CAMTA1: variants seen among roughly 807,000 people sequenced by gnomAD.
The protein encoded by CAMTA1 is calmodulin binding transcription activator 1.
In CAMTA1, 27 loss-of-function variants were observed where a neutral mutation model predicts 170.9. That is an observed-to-expected ratio of 0.16 (90% CI 0.12 to 0.22). The LOEUF (loss-of-function observed/expected upper bound fraction) is 0.22, where lower values mean the gene tolerates loss of function less well. Among genes scored for constraint, CAMTA1 ranks in the 10% least tolerant of loss-of-function variants. The pLI is 1.00. For synonymous variants in CAMTA1, 833 were observed against 891.5 expected (o/e 0.93, Z 1.17); for missense variants, 1,619 against 2,217.2 (o/e 0.73, Z 5.42).
intron 6 of CAMTA1, among the ~76,000 whole-genome samples, chr1:7,493,052 TACAC>T (rs1217654138): frequency 5.0e-5 from 4 of 80,298 alleles, no homozygotes; most frequent in South Asian, 4.6e-4. Context: ...CAAACCTACA[TACAC>T]ACGCGCGCAC....
intron 4 of CAMTA1, among the ~76,000 whole-genome samples, chr1:7,112,501 C>T (rs1168326121): frequency 6.6e-6 from 1 of 152,184 alleles, no homozygotes; most frequent in African/African-American, 2.4e-5. Flanking sequence ...TGACCATGGC[C>T]GAGCCGAACA....
chr1:7,478,655 T>C (rs1159782302), intron 6 of CAMTA1, among the ~76,000 whole-genome samples: 1 of 152,238 alleles, frequency 6.6e-6, no homozygotes, highest in African/African-American at 2.4e-5. Context: ...TCAGCTTGGC[T>C]AAACAATCGC....
intron 3 of CAMTA1, among the ~76,000 whole-genome samples, chr1:6,836,747 C>T (rs1356354352): frequency 2.0e-5 from 3 of 152,226 alleles, no homozygotes; most frequent in East Asian, 1.9e-4. Context: ...AATAAAGGCT[C>T]TCATGTGCAA....
In CAMTA1 at chr1:7,670,928, C is replaced by T. The variant is rs2096055533; in HGVS notation, c.2670C>T (p.Leu890=). The T allele has an allele frequency of 7.4e-6, 12 of 1,613,752 alleles. No individual in the cohort carries two copies. The highest frequency in any genetic ancestry group is 1.0e-5 in the Non-Finnish European group (12 of 1,179,942). Residue 890 remains leucine (L), a synonymous_variant, in exon 10 of 23, where the codon CTC becomes CTT. Transcript: ENST00000303635. ...WSYPEGGVKV[L]ITGPWQEASN... ...CTCTGCAGGGAGGAGTGAAGGTCCT[C>T]ATCACAGGCCCGTGGCAAGAAGCCA...
chr1:7,670,362 G>C (rs965429449), intron 9 of CAMTA1, among the ~76,000 whole-genome samples: 2 of 152,086 alleles, frequency 1.3e-5, no homozygotes, highest in Non-Finnish European at 2.9e-5. Context: ...TCTTCAGCCC[G>C]TCCTGCTCCA....
At chr1:7,118,480 T>A (rs1390295616) in intron 4 of CAMTA1, among the ~76,000 whole-genome samples, 5 of 151,444 alleles carry the variant, frequency 3.3e-5, no homozygotes, top group African/African-American at 1.2e-4. Context: ...AATTTTTTTT[T>A]GGAGAGTTGG....
intron 5 of CAMTA1, among the ~76,000 whole-genome samples, chr1:7,353,429 C>G (rs372425889): frequency 3.8e-5 from 1 of 26,158 alleles, no homozygotes; most frequent in African/African-American, 1.8e-4. Context: ...TTTTCTTTCT[C>G]TCTTTTTTTT....
intron 3 of CAMTA1, among the ~76,000 whole-genome samples, chr1:6,949,196 G>A (rs1177314204): frequency 6.6e-6 from 1 of 152,246 alleles, no homozygotes; most frequent in African/African-American, 2.4e-5. Flanking sequence ...ATACTTGAGT[G>A]TTCCTGGGGG....
Position 7,664,933 on chromosome 1 carries a change from G to C in CAMTA1, c.2386G>C (p.Val796Leu). ...GSSTIYGHQL[V>L]SGDSTALSQS... ...CAGCACCATCTATGGGCACCAGCTG[G>C]TGTCGGGGGACAGCACGGCGCTCTC... is the stretch of plus-strand genomic sequence containing the variant. The change falls in exon 9 of 23, where the codon GTG becomes CTG. Residue 796 changes from valine to leucine, a missense_variant. By Grantham distance (32) the Val-to-Leu change is conservative. Transcript: ENST00000303635. 1.2e-6 allele frequency: 2 copies of C among 1,613,122 alleles called. No homozygotes were observed. Among genetic ancestry groups the C allele is most frequent in the Non-Finnish European group, 1.7e-6 (2 of 1,180,006 alleles).
At chr1:7,001,111 G>A (rs1055994518) in intron 3 of CAMTA1, among the ~76,000 whole-genome samples, 21 of 152,200 alleles carry the variant, frequency 1.4e-4, no homozygotes, top group African/African-American at 4.3e-4. Context: ...TTGCTGGGGA[G>A]TTCTTAATCA....
intron 5 of CAMTA1, chr1:7,441,479 A>G (rs1196631807): frequency 1.3e-5 from 2 of 152,320 alleles, no homozygotes; most frequent in African/African-American, 4.8e-5. Flanking sequence ...ATGAGAGCTA[A>G]GAGAAGTGAA....
chr1:7,292,870 C>T (rs1437852304), intron 5 of CAMTA1, among the ~76,000 whole-genome samples: 3 of 152,268 alleles, frequency 2.0e-5, no homozygotes, highest in African/African-American at 7.2e-5. Flanking sequence ...TTTCCTGCAG[C>T]CTCGCTTCCG....
rs1008911663 is a variant in CAMTA1, at chr1:7,463,783, T to C, written c.439-4047T>C. 6.6e-6 allele frequency among the ~76,000 whole-genome samples: 1 copy of C among 152,150 alleles called. No individual in the cohort carries two copies. Among genetic ancestry groups the C allele is most frequent in the East Asian group, 1.9e-4 (1 of 5,170 alleles). On this transcript the variant is annotated intron_variant, in intron 5 of 22. Coordinates refer to ENST00000303635, the MANE Select transcript of CAMTA1 (RefSeq NM_015215.4). This position sits in a 1 kb window ranked among gnomAD's most constrained non-coding sequence, Gnocchi z 4.7. Reference sequence around the variant, plus strand: ...CCAACCTATAAGTGATGTGCTTCCTTCTTGGGCCACTAAGCCATCACTGCC... The same window carrying C: ...CCAACCTATAAGTGATGTGCTTCCTCCTTGGGCCACTAAGCCATCACTGCC...
At chr1:7,241,394 T>C (rs955424323) in intron 4 of CAMTA1, among the ~76,000 whole-genome samples, 4 of 152,234 alleles carry the variant, frequency 2.6e-5, no homozygotes, top group African/African-American at 9.6e-5. Context: ...CTAGATTCAG[T>C]ACAACTCCAA....
At chr1:7,452,072 AC>A (rs540056865) in intron 5 of CAMTA1, among the ~76,000 whole-genome samples, 97 of 152,234 alleles carry the variant, frequency 6.4e-4, no homozygotes, top group African/African-American at 2.3e-3. Context: ...CGGGGGGCTA[AC>A]CCCCCTCTAA....
chr1:6,993,485 G>A (rs74224532), intron 3 of CAMTA1, among the ~76,000 whole-genome samples: 2,457 of 151,874 alleles, frequency 0.016, 156 homozygotes, highest in East Asian at 0.15. Context: ...ATCCCCAATT[G>A]AGATAATAGG....
chr1:7,645,084 T>A (rs12058235), intron 7 of CAMTA1, among the ~76,000 whole-genome samples: 14,149 of 152,264 alleles, frequency 0.093, 808 homozygotes, highest in African/African-American at 0.15. Context: ...TTGCACCCAG[T>A]AAACCCCCAT....
chr1:7,737,111 C>A, intron 14 of CAMTA1, 102 bp downstream of exon 14: 2 of 1,324,022 alleles, frequency 1.5e-6, no homozygotes, highest in Non-Finnish European at 2.2e-6. Flanking sequence ...TGGCATGTTT[C>A]GGAGATACTT....
Position 7,517,865 on chromosome 1 carries a change from G to A in CAMTA1, c.510+49964G>A, listed in dbSNP as rs2094308114. Among the ~76,000 whole-genome samples, 2 of 151,976 alleles carry A rather than the reference G, an allele frequency of 1.3e-5. 1 individual carries two copies. The highest frequency in any genetic ancestry group is 4.8e-5 in the African/African-American group (2 of 41,252). On this transcript the variant is annotated intron_variant, in intron 6 of 22. Transcript: ENST00000303635. ...CCAAGGTCCCTTAAAGAGAAGTCCT[G>A]CCATGAGGGACGATGATCCCCCCAG...
Sources: gnomAD v4.1 joint callset for allele counts (sites outside exome capture counted in the v4.1 genomes callset) on GRCh38, gnomAD v4.1.1 for gene constraint, Gnocchi (gnomAD v3.1) non-coding constraint, MANE v1.5 for transcripts, NCBI Gene and HGNC (gene_info 2026-07-23, HGNC 2026-07-21) for gene names.